The following ACE variants were observed in gnomAD, a reference collection of about 807,000 sequenced individuals.
ACE encodes the protein angiotensin I converting enzyme, also known as angiotensin-converting enzyme.
In ACE, 122 loss-of-function variants were observed where a neutral mutation model predicts 162.3. The ratio of observed to expected loss-of-function variants is 0.75; its 90% confidence interval spans 0.65 to 0.87. ACE has a LOEUF of 0.87. ACE is among the 40% of genes least tolerant of loss of function. ACE has a pLI of 0.00. For missense variants in ACE, 1,799 were observed against 1,735.1 expected (o/e 1.04, Z -0.65); for synonymous variants, 796 against 720.6 (o/e 1.10, Z -1.68).
Position 63,481,726 on chromosome 17 carries a change from G to C in ACE, c.1106G>C (p.Arg369Thr). 6 of 1,614,164 alleles carry C rather than the reference G, an allele frequency of 3.7e-6. No homozygotes were observed. The highest frequency in any genetic ancestry group is 5.1e-6 in the Non-Finnish European group (6 of 1,180,032). The change falls in exon 7 of 25, where the codon AGG becomes ACG. Residue 369 changes from arginine to threonine, a missense_variant. Coordinates refer to ENST00000290866, the MANE Select transcript of ACE (RefSeq NM_000789.4). ...GCCTCGGCTTGGGACTTCTACAACA[G>C]GAAAGACTTCAGGTTCAGACATGGG... ...CHASAWDFYN[R>T]KDFRIKQCTR...
rs1110991 is a variant in ACE, at chr17:63,477,139, G to A, written c.45G>A (p.Pro15=). 8 of 1,431,572 alleles carry A rather than the reference G, an allele frequency of 5.6e-6. No individual in the cohort carries two copies. Among genetic ancestry groups the A allele is most frequent in the Admixed American group, 2.5e-5 (1 of 39,346 alleles). 88.7% of individuals were successfully genotyped at this position (1,431,572 alleles called of 1,614,324 possible). The change falls in exon 1 of 25, where the codon CCG becomes CCA. Residue 15 remains proline (P), a synonymous_variant. Coordinates refer to ENST00000290866, the MANE Select transcript of ACE (RefSeq NM_000789.4). ...GCCGGGGGCCGGGGCTGCTGCTGCC[G>A]CTGCCGCTGCTGTTGCTGCTGCCGC... ...SGRRGPGLLL[P]LPLLLLLPPQ...
Position 63,479,898 on chromosome 17 carries a change from C to G in ACE, c.641C>G (p.Ala214Gly), listed in dbSNP as rs1354264426. 1 of 1,611,408 alleles carries G rather than the reference C, an allele frequency of 6.2e-7. No individual in the cohort carries two copies. Among genetic ancestry groups the G allele is most frequent in the Non-Finnish European group, 8.5e-7 (1 of 1,179,884 alleles). The change falls in exon 4 of 25, where the codon GCC becomes GGC. Residue 214 changes from alanine (A) to glycine (G), a missense_variant. Ala to Gly is a moderately conservative substitution (Grantham distance 60). Transcript: ENST00000290866. ...GATTTCACTGCCCTCAGCAATGAAG[C>G]CTACAAGCAGGACGGTGAGCAGGCC... Reference protein sequence around the residue: ...YEDFTALSNEAYKQDGFTDTG... With the variant: ...YEDFTALSNEGYKQDGFTDTG...
In ACE at chr17:63,494,475, C is replaced by T. The variant is rs12720737; in HGVS notation, c.3380+5C>T. On this transcript the variant is annotated splice_donor_5th_base_variant and intron_variant, in intron 22 of 24. Transcript: ENST00000290866. ...TTCTAGCGTGCCTTACATCAGGTAA[C>T]GGGAAAGGCAGGAGGGCACATTGTG... The T allele has an allele frequency of 5.7e-3, 9,194 of 1,612,334 alleles. 391 individuals carry two copies. In the African/African-American group the frequency reaches 0.1, roughly 18 times the overall value.
In ACE at chr17:63,494,009, G is replaced by A; in HGVS notation, c.3224G>A (p.Arg1075Lys). Reference sequence around the variant, plus strand: ...TACCTCGTCGATCAGTGGCGCTGGAGGGTATTTGATGGAAGCATCACCAAG... The same window carrying A: ...TACCTCGTCGATCAGTGGCGCTGGAAGGTATTTGATGGAAGCATCACCAAG... ...FSYLVDQWRW[R>K]VFDGSITKEN... Residue 1075 changes from arginine to lysine, a missense_variant, in exon 21 of 25, where the codon AGG becomes AAG. By Grantham distance (26) the Arg-to-Lys change is conservative (BLOSUM62 2). Transcript: ENST00000290866. 3.1e-6 allele frequency: 5 copies of A among 1,614,130 alleles called. No homozygotes were observed. The highest frequency in any genetic ancestry group is 4.2e-6 in the Non-Finnish European group (5 of 1,180,024).
At chr17:63,480,058 G>T in intron 4 of ACE, 146 bp downstream of exon 4, 1 of 1,324,066 alleles carries the variant, frequency 7.6e-7, no homozygotes. Flanking sequence ...GGTGGGACCG[G>T]CCTGCACCCA....
chr17:63,481,436 C>G, intron 6 of ACE, 130 bp from the exon 7 acceptor site: 1 of 1,076,912 alleles, frequency 9.3e-7, no homozygotes, highest in Non-Finnish European at 1.4e-6. Flanking sequence ...GGCCCTGCCT[C>G]TGGGAATGGT....
chr17:63,493,823 C>A, intron 20 of ACE, 99 bp from the exon 21 acceptor site: 1 of 1,584,780 alleles, frequency 6.3e-7, no homozygotes, highest in African/African-American at 1.3e-5. Context: ...GTCACAGGGC[C>A]CAAAAGGTAC....
chr17:63,486,646 TATCAAGCGG>T lies in ACE; in HGVS notation c.2153_2161del (p.Lys718_Ile720del). On this transcript the variant is annotated inframe_deletion, in exon 14 of 25. Transcript: ENST00000290866. ...ATGTGAACCAGTTGCAGAACACCAC[TATCAAGCGG>T]ATCATAAAGAAGGTTCAGGACCTAG... 1.2e-6 allele frequency: 2 copies of T among 1,614,142 alleles called. No individual in the cohort carries two copies. The highest frequency in any genetic ancestry group is 1.7e-6 in the Non-Finnish European group (2 of 1,180,000).
chr17:63,493,469 C>T lies in ACE; in HGVS notation c.2946C>T (p.Asp982=). 1 of 1,614,150 alleles carries T rather than the reference C, an allele frequency of 6.2e-7. No homozygotes were observed. The highest frequency in any genetic ancestry group is 8.5e-7 in the Non-Finnish European group (1 of 1,180,042). ...AGTGCACCACCGTGAACTTGGAGGACCTGGTGGTGGCCCACCACGAAATGG... is the reference window on the plus strand; with the variant it reads ...AGTGCACCACCGTGAACTTGGAGGATCTGGTGGTGGCCCACCACGAAATGG... ...IKQCTTVNLE[D]LVVAHHEMGH... The change falls in exon 20 of 25, where the codon GAC becomes GAT. Residue 982 remains aspartate (D), a synonymous_variant. Coordinates refer to ENST00000290866, the MANE Select transcript of ACE (RefSeq NM_000789.4).
Position 63,486,805 on chromosome 17 carries a change from TC to T in ACE, c.2217+92del, listed in dbSNP as rs1386928929. 12 of 1,560,594 alleles carry T rather than the reference TC, an allele frequency of 7.7e-6. No individual in the cohort carries two copies. The African/African-American group carries it at 1.2e-4, about 16-fold the overall frequency. Reference sequence around the variant, plus strand: ...GCCTGGCCTTCACGCTGCTTCCTCTTCCTCGTTGTATCAAGTCATGGCATCT... The same window carrying T: ...GCCTGGCCTTCACGCTGCTTCCTCTTCTCGTTGTATCAAGTCATGGCATCT... On this transcript the variant is annotated intron_variant, in intron 14 of 24. Transcript: ENST00000290866.
chr17:63,477,368 G>A (rs2049634822), intron 1 of ACE, 25 bp downstream of exon 1: 5 of 1,234,524 alleles, frequency 4.1e-6, no homozygotes, highest in East Asian at 3.5e-5. Context: ...CCGGGCGGGG[G>A]CGGGGCGGGG....
chr17:63,497,013 T>C lies in ACE; in HGVS notation c.3691+28T>C, dbSNP rs1289484634. On this transcript the variant is annotated intron_variant, in intron 24 of 24. Transcript: ENST00000290866. ...ACCGCCACCCACCCCACCTCCAGCC[T>C]TGGGTCTTAACCCCCTCCCCAGGCT... The C allele has an allele frequency of 2.1e-6, 3 of 1,455,396 alleles. No individual in the cohort carries two copies. The African/African-American group carries it at 4.4e-5, about 21-fold the overall frequency. The allele number at this position is 1,455,396 out of a possible 1,614,324, so 90.2% of individuals were successfully genotyped here.
intron 20 of ACE, 25 bp from the exon 21 acceptor site, chr17:63,493,897 A>G: frequency 6.2e-7 from 1 of 1,614,162 alleles, no homozygotes; most frequent in Middle Eastern, 1.6e-4. Context: ...CCTGGGTCTG[A>G]CAGCTGGGCT....
At chr17:63,478,874 G>C in intron 2 of ACE, 133 bp from the exon 3 acceptor site, 2 of 744,526 alleles carry the variant, frequency 2.7e-6, no homozygotes, top group African/African-American at 3.4e-5. Context: ...TTAGTGATCA[G>C]AAGTGCCCCG....
In ACE at chr17:63,483,573, AC is replaced by A; in HGVS notation, c.1586+19del. The A allele has an allele frequency of 1.4e-6, 1 of 702,998 alleles. No individual in the cohort carries two copies. The highest frequency in any genetic ancestry group is 2.0e-6 in the Non-Finnish European group (1 of 495,780). The allele number at this position is 702,998 out of a possible 1,614,324, so 43.5% of individuals were successfully genotyped here. A position where few individuals can be genotyped will look rare whatever the true frequency, so the allele number is the denominator to read the frequency against. On this transcript the variant is annotated intron_variant, in intron 10 of 24. Transcript: ENST00000290866. ...CCATACATCAGGTATTAGCGCCCCC[AC>A]CCCACCCACCCCCAGTACTGTCACA...
Position 63,477,216 on chromosome 17 carries a change from C to T in ACE, c.122C>T (p.Ala41Val), listed in dbSNP as rs868524073. ...GGGCTGCAGCCCGGCAACTTTTCTGCTGACGAGGCCGGGGCGCAGCTCTTC... is the reference window on the plus strand; with the variant it reads ...GGGCTGCAGCCCGGCAACTTTTCTGTTGACGAGGCCGGGGCGCAGCTCTTC... ...DPGLQPGNFS[A>V]DEAGAQLFAQ... Residue 41 changes from alanine to valine, a missense_variant, in exon 1 of 25, where the codon GCT (alanine) becomes GTT (valine). Coordinates refer to ENST00000290866, the MANE Select transcript of ACE (RefSeq NM_000789.4). The T allele has an allele frequency of 6.7e-7, 1 of 1,494,412 alleles. No individual in the cohort carries two copies. Among genetic ancestry groups the T allele is most frequent in the Non-Finnish European group, 8.9e-7 (1 of 1,125,766 alleles). 92.6% of individuals were successfully genotyped at this position (1,494,412 alleles called of 1,614,324 possible).
At position 63,497,344 on chromosome 17, in the gene ACE, A is replaced by G. The variant is rs1385347177; in HGVS notation, c.3899A>G (p.Glu1300Gly). 2 of 1,548,470 alleles carry G rather than the reference A, an allele frequency of 1.3e-6. No individual in the cohort carries two copies. Among genetic ancestry groups the G allele is most frequent in the Middle Eastern group, 3.9e-4 (2 of 5,164 alleles). The change falls in exon 25 of 25, where the codon GAG becomes GGG. Residue 1300 changes from glutamate (E) to glycine (G), a missense_variant. Glu to Gly is a moderately conservative substitution (Grantham distance 98). Coordinates refer to ENST00000290866, the MANE Select transcript of ACE (RefSeq NM_000789.4). ...RHSHGPQFGSEVELRHS is the reference protein window; with the variant it reads ...RHSHGPQFGSGVELRHS The stretch of plus-strand genomic sequence containing the variant: ...TCCCACGGGCCCCAGTTCGGCTCCG[A>G]GGTGGAGCTGAGACACTCCTGAGGT...
Position 63,496,863 on chromosome 17 carries a change from C to T in ACE, c.3569C>T (p.Pro1190Leu), listed in dbSNP as rs1264163829. Residue 1190 changes from proline to leucine, a missense_variant, in exon 24 of 25, where the codon CCC becomes CTC. Physicochemically the swap from Pro to Leu is moderately conservative, Grantham distance 98. Coordinates refer to ENST00000290866, the MANE Select transcript of ACE (RefSeq NM_000789.4). The stretch of plus-strand genomic sequence containing the variant: ...GCCATGCAGCTGATCACGGGCCAGC[C>T]CAACATGAGCGCCTCGGCCATGTTG... ...PEAMQLITGQ[P>L]NMSASAMLSY... is the part of the protein sequence containing the mutation. 6.2e-7 allele frequency: 1 copy of T among 1,613,480 alleles called. No homozygotes were observed.
At position 63,477,108 on chromosome 17, in the gene ACE, C is replaced by T. The variant is rs1296229818; in HGVS notation, c.14C>T (p.Ser5Leu). The change falls in exon 1 of 25, where the codon TCG becomes TTG. Residue 5 changes from serine to leucine, a missense_variant. Coordinates refer to ENST00000290866, the MANE Select transcript of ACE (RefSeq NM_000789.4). Reference protein sequence around the residue: MGAASGRRGPGLLLP... With the variant: MGAALGRRGPGLLLP... The stretch of plus-strand genomic sequence containing the variant: ...GCGCACCGCGTCATGGGGGCCGCCT[C>T]GGGCCGCCGGGGGCCGGGGCTGCTG... 2 of 1,320,906 alleles carry T rather than the reference C, an allele frequency of 1.5e-6. No individual in the cohort carries two copies. 81.8% of individuals were successfully genotyped at this position (1,320,906 alleles called of 1,614,324 possible).
Sources: allele counts gnomAD v4.1 joint callset, GRCh38; gene constraint gnomAD v4.1.1; transcripts MANE v1.5; gene names NCBI Gene and HGNC (gene_info 2026-07-23, HGNC 2026-07-21).